Variants in ADAMTS17 observed in about 807,000 individuals in gnomAD.
ADAMTS17 encodes ADAM metallopeptidase with thrombospondin type 1 motif 17.
A neutral mutation model predicts 141.5 loss-of-function variants in ADAMTS17; 113 were observed. That is an observed-to-expected ratio of 0.80 (90% confidence interval 0.69 to 0.93). The LOEUF (loss-of-function observed/expected upper bound fraction) is 0.93, where lower values mean the gene tolerates loss of function less well. Ranked by LOEUF, ADAMTS17 falls within the 40% of genes least tolerant of loss-of-function variation. The pLI is 0.00. For missense variants in ADAMTS17, 1,659 were observed against 1,517.9 expected (o/e 1.09, Z -1.54); for synonymous variants, 768 against 630.6 (o/e 1.22, Z -3.27).
chr15:100,106,445 CT>C (rs2036419298), intron 14 of ADAMTS17, among the ~76,000 whole-genome samples: 1 of 152,212 alleles, frequency 6.6e-6, no homozygotes, highest in South Asian at 2.1e-4. Flanking sequence ...AGCATTTTCT[CT>C]TTGATTCTAC....
intron 18 of ADAMTS17, among the ~76,000 whole-genome samples, chr15:100,048,469 C>A (rs1280911429): frequency 1.4e-5 from 2 of 145,348 alleles, no homozygotes; most frequent in African/African-American, 5.3e-5. Context: ...AACAGGTCAC[C>A]CACAACATTA....
At chr15:100,224,568 G>A (rs984339273) in intron 7 of ADAMTS17, among the ~76,000 whole-genome samples, 6 of 152,206 alleles carry the variant, frequency 3.9e-5, no homozygotes, top group African/African-American at 1.2e-4. Flanking sequence ...ATTGTGCAGA[G>A]GCAAAATATT....
rs1448650402 is a variant in ADAMTS17, at chr15:100,049,658, A to G, written c.2456-666T>C. 4.6e-5 allele frequency among the ~76,000 whole-genome samples: 7 copies of G among 152,212 alleles called. No homozygotes were observed. In the East Asian group the frequency reaches 1.4e-3, roughly 29 times the overall value. On this transcript the variant is annotated intron_variant, in intron 17 of 21. Coordinates refer to ENST00000268070, the MANE Select transcript of ADAMTS17 (RefSeq NM_139057.4). Reference sequence around the variant, plus strand: ...CACGGCCATGCCTTTGTCACCCTAAATACTGCACGGCCATGCCTTTGTCAG... The same window carrying G: ...CACGGCCATGCCTTTGTCACCCTAAGTACTGCACGGCCATGCCTTTGTCAG...
At chr15:100,081,556 A>G (rs2034737607) in intron 15 of ADAMTS17, among the ~76,000 whole-genome samples, 1 of 152,230 alleles carries the variant, frequency 6.6e-6, no homozygotes, top group African/African-American at 2.4e-5. Flanking sequence ...CAATACTTCT[A>G]TGAATGGCTT....
chr15:100,132,084 C>T lies in ADAMTS17; in HGVS notation c.1644G>A (p.Pro548=), dbSNP rs374751258. ...IPEHVDGDWS[P]WGAWSMCSRT... ...GGCTGCACATGCTCCAGGCGCCCCA[C>T]GGGCTCCAGTCTCCGTCCACATGCT... The change falls in exon 12 of 22, where the codon CCG becomes CCA. Residue 548 remains proline (P), a synonymous_variant. Transcript: ENST00000268070. 130 of 1,614,178 alleles carry T rather than the reference C, an allele frequency of 8.1e-5. No individual in the cohort carries two copies. The East Asian group carries it at 1.3e-3, about 16-fold the overall frequency.
intron 14 of ADAMTS17, among the ~76,000 whole-genome samples, chr15:100,100,115 T>C (rs534391512): frequency 1.4e-4 from 22 of 152,194 alleles, no homozygotes; most frequent in Non-Finnish European, 2.8e-4. Flanking sequence ...GTTATGTGCC[T>C]AACCTGGAAA....
intron 19 of ADAMTS17, among the ~76,000 whole-genome samples, chr15:99,995,671 T>C (rs1395206802): frequency 6.6e-6 from 1 of 152,182 alleles, no homozygotes; most frequent in Non-Finnish European, 1.5e-5. Flanking sequence ...ACCACGTCAA[T>C]AAAAACTCTC....
intron 20 of ADAMTS17, among the ~76,000 whole-genome samples, chr15:99,987,571 A>G (rs1425675262): frequency 1.3e-5 from 2 of 152,220 alleles, no homozygotes; most frequent in Non-Finnish European, 1.5e-5. Flanking sequence ...CCATGGCACC[A>G]TCTGCAAGCT....
intron 7 of ADAMTS17, among the ~76,000 whole-genome samples, chr15:100,204,611 ACAC>A (rs1427463570): frequency 7.2e-5 from 11 of 152,382 alleles, no homozygotes; most frequent in African/African-American, 2.6e-4. Context: ...CCCCTACCTC[ACAC>A]CACATTTAAA....
intron 7 of ADAMTS17, among the ~76,000 whole-genome samples, chr15:100,219,763 G>C: frequency 6.6e-6 from 1 of 152,182 alleles, no homozygotes; most frequent in East Asian, 1.9e-4. Context: ...CCCTTCATCT[G>C]ACCTGGGAAT....
chr15:100,194,729 C>G (rs1371547889), intron 8 of ADAMTS17, among the ~76,000 whole-genome samples: 1 of 152,176 alleles, frequency 6.6e-6, no homozygotes, highest in Admixed American at 6.5e-5. Flanking sequence ...ATGTTGGATG[C>G]TGACATCCAG....
At chr15:100,248,819 G>GA (rs1234851932) in intron 7 of ADAMTS17, among the ~76,000 whole-genome samples, 4 of 127,374 alleles carry the variant, frequency 3.1e-5, no homozygotes, top group African/African-American at 1.3e-4. Context: ...TTTTTTTTTT[G>GA]AGACAGTCTC....
chr15:100,117,024 G>T lies in ADAMTS17; in HGVS notation c.1722-11C>A, dbSNP rs2037179056. 3.7e-6 allele frequency: 6 copies of T among 1,600,844 alleles called. No individual in the cohort carries two copies. Among genetic ancestry groups the T allele is most frequent in the Non-Finnish European group, 5.1e-6 (6 of 1,174,152 alleles). ...CCTCCAGGCCCAGGGCTAGAAGGAA[G>T]AAGAAGGTCTGTGTTAACCAGGTGG... On this transcript the variant is annotated splice_polypyrimidine_tract_variant and intron_variant, in intron 12 of 21. Coordinates refer to ENST00000268070, the MANE Select transcript of ADAMTS17 (RefSeq NM_139057.4).
At chr15:100,050,682 C>T (rs894570881) in intron 17 of ADAMTS17, among the ~76,000 whole-genome samples, 4 of 152,178 alleles carry the variant, frequency 2.6e-5, no homozygotes, top group African/African-American at 9.7e-5. Context: ...AATAGGTGCT[C>T]AGGACTAGGG....
intron 4 of ADAMTS17, among the ~76,000 whole-genome samples, chr15:100,270,445 T>C (rs956664971): frequency 6.6e-6 from 1 of 152,150 alleles, no homozygotes; most frequent in African/African-American, 2.4e-5. Context: ...TAATACACCA[T>C]ATCCGTGGGA....
intron 15 of ADAMTS17, among the ~76,000 whole-genome samples, chr15:100,056,454 C>T (rs1426968489): frequency 8.4e-5 from 10 of 119,452 alleles, no homozygotes; most frequent in South Asian, 2.8e-4. Flanking sequence ...AGTGGGGTGG[C>T]GGGGGATGGT....
chr15:100,181,261 G>A (rs1413788503), intron 8 of ADAMTS17, among the ~76,000 whole-genome samples: 1 of 152,174 alleles, frequency 6.6e-6, no homozygotes, highest in African/African-American at 2.4e-5. Context: ...CAGAGCAAAG[G>A]CCTGGAACTG....
chr15:100,019,916 T>C (rs145498316), intron 18 of ADAMTS17, among the ~76,000 whole-genome samples: 1 of 152,324 alleles, frequency 6.6e-6, no homozygotes, highest in Non-Finnish European at 1.5e-5. Flanking sequence ...TGTCATTGCT[T>C]TCTTTGTTTT....
intron 18 of ADAMTS17, among the ~76,000 whole-genome samples, chr15:100,024,200 C>T (rs138581882): frequency 6.6e-6 from 1 of 152,156 alleles, no homozygotes; most frequent in South Asian, 2.1e-4. Flanking sequence ...TCAAGCAATT[C>T]TCCTGCGTCG....
Sources: gnomAD v4.1 joint callset for allele counts (sites outside exome capture counted in the v4.1 genomes callset) on GRCh38, gnomAD v4.1.1 for gene constraint, MANE v1.5 for transcripts, NCBI Gene and HGNC (gene_info 2026-07-23, HGNC 2026-07-21) for gene names.